The following SMAD3 variants were observed in gnomAD, a reference collection of about 807,000 sequenced individuals.
SMAD3 encodes MAD homolog 3.
A neutral mutation model predicts 51.8 loss-of-function variants in SMAD3; 12 were observed. That is an observed-to-expected ratio of 0.23 (90% confidence interval 0.15 to 0.38). The LOEUF is 0.38. Ranked by LOEUF, SMAD3 falls within the 10% of genes least tolerant of loss-of-function variation. The probability of loss-of-function intolerance (pLI) is 1.00; values close to 1 mark genes in which losing one functional copy is unlikely to be tolerated. For synonymous variants in SMAD3, 238 were observed against 227.7 expected (o/e 1.05, Z -0.41); for missense variants, 294 against 565.6 (o/e 0.52, Z 4.87).
At chr15:67,089,465 G>A (rs964434266) in intron 1 of SMAD3, among the ~76,000 whole-genome samples, 1 of 152,146 alleles carries the variant, frequency 6.6e-6, no homozygotes, top group African/African-American at 2.4e-5. Flanking sequence ...GTGGAGACAT[G>A]GCAAGGTGGT....
chr15:67,166,947 C>CCCTT (rs1333492974), intron 4 of SMAD3, 94 bp downstream of exon 4: 11 of 955,716 alleles, frequency 1.2e-5, no homozygotes, highest in African/African-American at 1.6e-5. Flanking sequence ...CTCCCTCCCT[C>CCCTT]CCTTCTATCT....
chr15:67,180,338 C>T (rs990500844), intron 5 of SMAD3, among the ~76,000 whole-genome samples: 2 of 151,726 alleles, frequency 1.3e-5, no homozygotes, highest in South Asian at 2.1e-4. Context: ...AAGAGGAGGG[C>T]GAGGAGGCCC....
rs79388053 is a variant in SMAD3 at position 67,125,998 on chromosome 15, T to G, written c.207-38897T>G. 13 of 985,204 alleles carry G rather than the reference T, an allele frequency of 1.3e-5. No homozygotes were observed. In the East Asian group the frequency reaches 1.3e-3, roughly 102 times the overall value. The allele number at this position is 985,204 out of a possible 1,614,324, so 61.0% of individuals were successfully genotyped here. On this transcript the variant is annotated intron_variant, in intron 1 of 8. Transcript: ENST00000327367. ...AACCACGTTTGAGTAAGAGTTATCT[T>G]ATTTGGCAGGGTGGGTTAGGTGTGG...
At chr15:67,072,063 TG>T (rs1283327538) in intron 1 of SMAD3, among the ~76,000 whole-genome samples, 3 of 152,210 alleles carry the variant, frequency 2.0e-5, no homozygotes, top group African/African-American at 7.2e-5. Flanking sequence ...TTAATTCTGA[TG>T]AGAAATGCAA....
At chr15:67,179,384 G>A (rs988086165) in intron 5 of SMAD3, among the ~76,000 whole-genome samples, 1 of 152,154 alleles carries the variant, frequency 6.6e-6, no homozygotes, top group African/African-American at 2.4e-5. Context: ...CCAGGATGCT[G>A]CTAAACATCC....
At chr15:67,182,780 C>CT (rs1397063547) in intron 6 of SMAD3, among the ~76,000 whole-genome samples, 5 of 151,488 alleles carry the variant, frequency 3.3e-5, no homozygotes, top group African/African-American at 1.2e-4. Context: ...TCCCATTTCG[C>CT]TTTTTGTTTT....
At chr15:67,075,368 A>C (rs1498507) in intron 1 of SMAD3, among the ~76,000 whole-genome samples, 70,320 of 151,978 alleles carry the variant, frequency 0.46, 16,575 homozygotes, top group South Asian at 0.66. Flanking sequence ...TGTTGTGCCA[A>C]CCCTTTACAT....
chr15:67,095,599 A>T (rs982352082), intron 1 of SMAD3, among the ~76,000 whole-genome samples: 1 of 151,982 alleles, frequency 6.6e-6, no homozygotes, highest in Non-Finnish European at 1.5e-5. Context: ...ATGGCTCAAT[A>T]TCGGCTCTCT....
chr15:67,113,155 C>G (rs1961059353), intron 1 of SMAD3, among the ~76,000 whole-genome samples: 1 of 122,556 alleles, frequency 8.2e-6, no homozygotes, highest in African/African-American at 3.2e-5. Context: ...GCGATCTTGG[C>G]TCACTGCAAA....
At chr15:67,122,977 G>C (rs192343826) in intron 1 of SMAD3, among the ~76,000 whole-genome samples, 1 of 152,190 alleles carries the variant, frequency 6.6e-6, no homozygotes, top group East Asian at 1.9e-4. Flanking sequence ...CTTGAGGCCA[G>C]AAGTTTGAGA....
chr15:67,124,981 C>T (rs999410626), intron 1 of SMAD3, among the ~76,000 whole-genome samples: 1 of 152,230 alleles, frequency 6.6e-6, no homozygotes, highest in Admixed American at 6.5e-5. Context: ...TATTGACAAG[C>T]GTAACCACTG....
intron 1 of SMAD3, among the ~76,000 whole-genome samples, chr15:67,134,569 C>G (rs978091036): frequency 1.3e-5 from 2 of 152,138 alleles, no homozygotes; most frequent in African/African-American, 4.8e-5. Flanking sequence ...TTACAGCGAC[C>G]CTACCTCCAG....
intron 1 of SMAD3, among the ~76,000 whole-genome samples, chr15:67,078,613 G>A (rs765883450): frequency 1.3e-5 from 2 of 152,210 alleles, no homozygotes; most frequent in Non-Finnish European, 2.9e-5. Context: ...CAGCTTGGTG[G>A]TGGTGGTGGT....
At chr15:67,114,061 A>G (rs1474680948) in intron 1 of SMAD3, among the ~76,000 whole-genome samples, 1 of 152,200 alleles carries the variant, frequency 6.6e-6, no homozygotes, top group African/African-American at 2.4e-5. Flanking sequence ...TTCTTGCATC[A>G]TGCTTCCTGA....
chr15:67,132,761 C>A (rs1961556235), intron 1 of SMAD3, among the ~76,000 whole-genome samples: 1 of 152,146 alleles, frequency 6.6e-6, no homozygotes, highest in Non-Finnish European at 1.5e-5. Context: ...ACTGGGGAAG[C>A]CTGCTTAAAT....
intron 1 of SMAD3, chr15:67,125,599 C>T (rs1443650923): frequency 2.0e-6 from 1 of 492,100 alleles, no homozygotes; most frequent in Middle Eastern, 1.1e-3. Context: ...TTAACAGAGA[C>T]ATCTGTGATG....
intron 1 of SMAD3, among the ~76,000 whole-genome samples, chr15:67,149,509 G>C (rs1962070558): frequency 6.6e-6 from 1 of 152,164 alleles, no homozygotes; most frequent in South Asian, 2.1e-4. Context: ...CGGCTTAATC[G>C]AGGAGGGCTG....
intron 1 of SMAD3, among the ~76,000 whole-genome samples, chr15:67,103,163 A>G (rs1960799455): frequency 6.6e-6 from 1 of 152,172 alleles, no homozygotes; most frequent in Admixed American, 6.6e-5. Context: ...ATGGAGCTGT[A>G]CTGTTCTTTT....
At chr15:67,066,754 C>T (rs1215479184) in intron 1 of SMAD3, among the ~76,000 whole-genome samples, 6 of 152,212 alleles carry the variant, frequency 3.9e-5, no homozygotes, top group Non-Finnish European at 1.5e-5. Context: ...CCTCCCGCCC[C>T]CGCGGCCCGC....
Sources: allele counts gnomAD v4.1 joint callset (sites outside exome capture counted in the v4.1 genomes callset), GRCh38; gene constraint gnomAD v4.1.1; transcripts MANE v1.5; gene names NCBI Gene and HGNC (gene_info 2026-07-23, HGNC 2026-07-21).